The following ATXN7L1 variants were observed in gnomAD, a reference collection of about 807,000 sequenced individuals.
The protein encoded by ATXN7L1 is ataxin-7-like protein 1.
In ATXN7L1, 15 loss-of-function variants were observed where a neutral mutation model predicts 70.8. The observed-to-expected ratio is 0.21, with a 90% CI of 0.14 to 0.33. The LOEUF (loss-of-function observed/expected upper bound fraction) is 0.33. Among genes scored for constraint, ATXN7L1 ranks in the 10% least tolerant of loss-of-function variants. ATXN7L1 has a pLI of 1.00. For missense variants in ATXN7L1, 975 were observed against 1,097.1 expected (o/e 0.89, Z 1.57); for synonymous variants, 440 against 445.1 (o/e 0.99, Z 0.14).
intron 3 of ATXN7L1, among the ~76,000 whole-genome samples, chr7:105,716,467 A>C (rs147189617): frequency 5.6e-4 from 86 of 152,248 alleles, no homozygotes; most frequent in African/African-American, 1.9e-3. Flanking sequence ...CCAGAAAAAC[A>C]AAACCAAACC....
intron 7 of ATXN7L1, among the ~76,000 whole-genome samples, chr7:105,635,307 G>A (rs1797193536): frequency 6.6e-6 from 1 of 152,190 alleles, no homozygotes. Flanking sequence ...TAGAGTTGGA[G>A]GCGAATAAAC....
Position 105,607,860 on chromosome 7 carries a change from G to A in ATXN7L1, c.2578C>T (p.Leu860Phe). ...GTGGCTTCATAGTCTTGTTATGGAA[G>A]AGTCCTTATCCTGCCCGTTCTGTTT... is the stretch of plus-strand genomic sequence containing the variant. ...NTNRTGRIRTLP is the reference protein window; with the variant it reads ...NTNRTGRIRTFP The change falls in exon 12 of 12, where the codon CTT becomes TTT. Residue 860 changes from leucine (L) to phenylalanine (F), a missense_variant. By Grantham distance (22) the Leu-to-Phe change is conservative. Around this residue, in one of 5 missense-constraint regions of ATXN7L1, gnomAD observed 635 missense variants for 699.4 expected, o/e 0.91. Transcript: ENST00000419735. 1 of 1,551,958 alleles carries A rather than the reference G, an allele frequency of 6.4e-7. No homozygotes were observed. The highest frequency in any genetic ancestry group is 8.7e-7 in the Non-Finnish European group (1 of 1,146,992).
intron 3 of ATXN7L1, among the ~76,000 whole-genome samples, chr7:105,708,225 A>G (rs1277510401): frequency 6.6e-6 from 1 of 152,182 alleles, no homozygotes; most frequent in African/African-American, 2.4e-5. Flanking sequence ...TCAAAGAATC[A>G]CAGAACCTCA....
intron 3 of ATXN7L1, among the ~76,000 whole-genome samples, chr7:105,690,691 G>T (rs1319280810): frequency 1.3e-5 from 2 of 152,158 alleles, no homozygotes; most frequent in Admixed American, 6.6e-5. Context: ...TGATGAACGC[G>T]CTACTTACTC....
intron 2 of ATXN7L1, among the ~76,000 whole-genome samples, chr7:105,868,360 G>GT: frequency 6.6e-6 from 1 of 152,294 alleles, no homozygotes; most frequent in Middle Eastern, 3.4e-3. Flanking sequence ...CTGGTGTCTA[G>GT]CCCAGTTCTG....
In ATXN7L1 at chr7:105,614,792, G is replaced by A. The variant is rs1399537141; in HGVS notation, c.1542C>T (p.Ser514=). ...TGTGGGCTGCTGGCGAGGGCAGGGG[G>A]CTATCTGCCGCAGGAGGGATCTTCC... ...MWKKIPPAAD[S]PLPSPAAHIT... The change falls in exon 10 of 12, where the codon AGC becomes AGT. Residue 514 remains serine (S), a synonymous_variant. Transcript: ENST00000419735. The surrounding 1 kb of genome is among the most constrained non-coding windows in gnomAD (Gnocchi z 4.3). 1.3e-6 allele frequency: 2 copies of A among 1,550,926 alleles called. No individual in the cohort carries two copies. Among genetic ancestry groups the A allele is most frequent in the Non-Finnish European group, 8.7e-7 (1 of 1,146,484 alleles).
intron 2 of ATXN7L1, among the ~76,000 whole-genome samples, chr7:105,836,810 C>T (rs1812449253): frequency 1.3e-5 from 2 of 152,166 alleles, no homozygotes; most frequent in South Asian, 2.1e-4. Flanking sequence ...CTTGTAATCC[C>T]AGCACTTTTG....
chr7:105,820,999 C>A (rs1446868109), intron 2 of ATXN7L1, among the ~76,000 whole-genome samples: 1 of 152,194 alleles, frequency 6.6e-6, no homozygotes, highest in Non-Finnish European at 1.5e-5. Flanking sequence ...TCCTGTACAG[C>A]CTGCAGAACT....
At chr7:105,788,358 CT>C (rs1204451090) in intron 3 of ATXN7L1, 2 of 488,226 alleles carry the variant, frequency 4.1e-6, no homozygotes, top group East Asian at 7.2e-5. Context: ...TGGCTTCAGT[CT>C]AGTCCCATCG....
intron 9 of ATXN7L1, among the ~76,000 whole-genome samples, chr7:105,615,304 A>G (rs1364223159): frequency 6.6e-6 from 1 of 151,990 alleles, no homozygotes; most frequent in Non-Finnish European, 1.5e-5. Context: ...TCCCCTCTCC[A>G]CCCACTCCAG....
intron 2 of ATXN7L1, among the ~76,000 whole-genome samples, chr7:105,847,783 T>G (rs995285836): frequency 6.6e-6 from 1 of 152,236 alleles, no homozygotes; most frequent in Non-Finnish European, 1.5e-5. Context: ...GTGCCTGGCA[T>G]ATAATAGTTG....
chr7:105,761,823 AT>A (rs1218188039), intron 3 of ATXN7L1, among the ~76,000 whole-genome samples: 3 of 152,298 alleles, frequency 2.0e-5, no homozygotes, highest in Admixed American at 6.5e-5. Flanking sequence ...ATCTCATTTT[AT>A]AGCTCTTAAT....
Position 105,859,591 on chromosome 7 carries a change from C to T in ATXN7L1, c.250+16221G>A, listed in dbSNP as rs138757984. On this transcript the variant is annotated intron_variant, in intron 2 of 11. Transcript: ENST00000419735. ...CAACAATTACCTACAGTATTCAGTA[C>T]AGCAACATGCTGTACAGGTTTGTAG... Among the ~76,000 whole-genome samples, 825 of 152,172 alleles carry T rather than the reference C, an allele frequency of 5.4e-3. 5 individuals are homozygous for T. The highest frequency in any genetic ancestry group is 0.019 in the African/African-American group (778 of 41,494).
chr7:105,689,060 C>T (rs1348096059), intron 3 of ATXN7L1, among the ~76,000 whole-genome samples: 1 of 152,204 alleles, frequency 6.6e-6, no homozygotes, highest in Non-Finnish European at 1.5e-5. Flanking sequence ...CACAGACCAT[C>T]TGGCTCAGTG....
intron 3 of ATXN7L1, chr7:105,760,337 T>A: frequency 5.4e-6 from 5 of 918,304 alleles, no homozygotes; most frequent in Non-Finnish European, 6.5e-6. Context: ...AGGGGGCTGT[T>A]AGGATCCCCA....
At position 105,673,181 on chromosome 7, in the gene ATXN7L1, T is replaced by C. The variant is rs538216425; in HGVS notation, c.356-7893A>G. The stretch of plus-strand genomic sequence containing the variant: ...TCCATCAGGTTCTCAGGCAATCCCA[T>C]TTCAGTAAAAATTCAGTGTTCCCTT... On this transcript the variant is annotated intron_variant, in intron 3 of 11. Coordinates refer to ENST00000419735, the MANE Select transcript of ATXN7L1 (RefSeq NM_020725.2). Among the ~76,000 whole-genome samples, 17 of 152,344 alleles carry C rather than the reference T, an allele frequency of 1.1e-4. No homozygotes were observed. In the South Asian group the frequency reaches 2.9e-3, roughly 26 times the overall value.
At chr7:105,754,722 A>G (rs1799603554) in intron 3 of ATXN7L1, among the ~76,000 whole-genome samples, 1 of 152,186 alleles carries the variant, frequency 6.6e-6, no homozygotes, top group African/African-American at 2.4e-5. Flanking sequence ...GGCCTCCCAA[A>G]GTTCTGGGAT....
rs763590654 is a variant in ATXN7L1, at chr7:105,731,761, A to AAGAAAAGAAAAG, written c.355+56831_355+56842dup. ...TTCTTACTCCTTAAAAAGAAAAGAA[A>AAGAAAAGAAAAG]AGAAAAGAAAAGAAAAGAAAAGAAA... On this transcript the variant is annotated intron_variant, in intron 3 of 11. Transcript: ENST00000419735. Among the ~76,000 whole-genome samples the AAGAAAAGAAAAG allele has an allele frequency of 7.1e-3, 1,038 of 146,918 alleles. 31 individuals carry two copies. The highest frequency in any genetic ancestry group is 7.1e-3 in the Admixed American group (105 of 14,742).
chr7:105,834,964 T>G (rs984144549), intron 2 of ATXN7L1, among the ~76,000 whole-genome samples: 2 of 151,876 alleles, frequency 1.3e-5, no homozygotes, highest in South Asian at 2.1e-4. Flanking sequence ...CTAAAAGTGG[T>G]CTCTGGGACT....
Sources: allele counts gnomAD v4.1 joint callset (sites outside exome capture counted in the v4.1 genomes callset), GRCh38; gene constraint gnomAD v4.1.1; regional missense constraint gnomAD v4.1.1; non-coding constraint Gnocchi (gnomAD v3.1); transcripts MANE v1.5; gene names NCBI Gene and HGNC (gene_info 2026-07-23, HGNC 2026-07-21).